The following EPS15L1 variants were observed in gnomAD, a reference collection of about 807,000 sequenced individuals.
EPS15L1 encodes the protein epidermal growth factor receptor substrate 15-like 1.
A neutral mutation model predicts 117.1 loss-of-function variants in EPS15L1; 43 were observed. The observed-to-expected ratio is 0.37, with a 90% CI of 0.29 to 0.47. EPS15L1 has a LOEUF of 0.47. Among genes scored for constraint, EPS15L1 ranks in the 20% least tolerant of loss-of-function variants. The pLI is 0.99. For synonymous variants in EPS15L1, 459 were observed against 470.5 expected, an observed-to-expected ratio of 0.98 and a Z score of 0.32; for missense variants, 981 against 1,164.0, an observed-to-expected ratio of 0.84 and a Z score of 2.29.
At chr19:16,415,073 C>T (rs1245889416) in intron 12 of EPS15L1, among the ~76,000 whole-genome samples, 7 of 152,112 alleles carry the variant, frequency 4.6e-5, no homozygotes, top group African/African-American at 9.7e-5. Flanking sequence ...AACAAATCAC[C>T]AACTGGGTGG....
rs540235765 is a variant in EPS15L1, at chr19:16,441,777, C to A, written c.165+115G>T. 199 of 755,626 alleles carry A rather than the reference C, an allele frequency of 2.6e-4. 3 individuals carry two copies. The highest frequency in any genetic ancestry group is 2.3e-3 in the South Asian group (129 of 54,904). 46.8% of individuals were successfully genotyped at this position (755,626 alleles called of 1,614,324 possible). A position where few individuals can be genotyped will look rare whatever the true frequency, so the allele number is the denominator to read the frequency against. On this transcript the variant is annotated intron_variant, in intron 3 of 23. Coordinates refer to ENST00000455140, the MANE Select transcript of EPS15L1 (RefSeq NM_001258374.3). ...GCCTGAGAGGTCTGCAGCGACCAGGCCACTACCCAGGAGGCCGGGCCCCAT... is the reference window on the plus strand; with the variant it reads ...GCCTGAGAGGTCTGCAGCGACCAGGACACTACCCAGGAGGCCGGGCCCCAT...
At chr19:16,460,210 G>C (rs2093235452) in intron 1 of EPS15L1, among the ~76,000 whole-genome samples, 1 of 152,156 alleles carries the variant, frequency 6.6e-6, no homozygotes, top group African/African-American at 2.4e-5. Context: ...GATGAACCCA[G>C]GAGTCTGAGG....
chr19:16,426,102 G>A (rs994940233), intron 8 of EPS15L1, among the ~76,000 whole-genome samples: 1 of 152,194 alleles, frequency 6.6e-6, no homozygotes, highest in African/African-American at 2.4e-5. Flanking sequence ...GGGAAAAAGA[G>A]CAACTGCCCA....
chr19:16,456,319 T>C (rs1342181501), intron 1 of EPS15L1, among the ~76,000 whole-genome samples: 1 of 152,226 alleles, frequency 6.6e-6, no homozygotes, highest in Non-Finnish European at 1.5e-5. Context: ...GCTGAACTCG[T>C]GCTAAGAGGC....
At position 16,405,703 on chromosome 19, in the gene EPS15L1, G is replaced by A. The variant is rs148732757; in HGVS notation, c.1267-954C>T. On this transcript the variant is annotated intron_variant, in intron 13 of 23. Coordinates refer to ENST00000455140, the MANE Select transcript of EPS15L1 (RefSeq NM_001258374.3). The surrounding 1 kb of genome is among the most constrained non-coding windows in gnomAD (Gnocchi z 4.0). ...ATGAGCACACTGCATTTGTGCGAAC[G>A]GGAAGGGGAGGGTATGTGTGGTATG... Among the ~76,000 whole-genome samples, 408 of 152,308 alleles carry A rather than the reference G, an allele frequency of 2.7e-3. 3 individuals carry two copies. The highest frequency in any genetic ancestry group is 0.014 in the Middle Eastern group (4 of 294).
chr19:16,369,004 T>A (rs1227069455), intron 22 of EPS15L1, among the ~76,000 whole-genome samples: 1 of 152,184 alleles, frequency 6.6e-6, no homozygotes, highest in East Asian at 1.9e-4. Flanking sequence ...AAAGCTTAGC[T>A]GCGGGGAGAG....
At chr19:16,460,751 GT>G (rs2093240807) in intron 1 of EPS15L1, among the ~76,000 whole-genome samples, 1 of 152,186 alleles carries the variant, frequency 6.6e-6, no homozygotes, top group South Asian at 2.1e-4. Flanking sequence ...AGGGAAGAAC[GT>G]TTGCAAGAAC....
intron 7 of EPS15L1, among the ~76,000 whole-genome samples, chr19:16,430,707 T>C (rs1251561965): frequency 6.6e-6 from 1 of 152,198 alleles, no homozygotes; most frequent in Non-Finnish European, 1.5e-5. Context: ...ACTGAATGAC[T>C]GACCAGATGC....
chr19:16,362,223 C>T (rs1056700536), intron 22 of EPS15L1, among the ~76,000 whole-genome samples: 1 of 152,182 alleles, frequency 6.6e-6, no homozygotes, highest in South Asian at 2.1e-4. Flanking sequence ...CCATACACAA[C>T]GCACACAGAG....
chr19:16,363,777 C>T (rs1244192367), intron 22 of EPS15L1, among the ~76,000 whole-genome samples: 1 of 152,260 alleles, frequency 6.6e-6, no homozygotes, highest in African/African-American at 2.4e-5. Context: ...CCCGTAGCCC[C>T]CCCTTGCCTG....
rs893074557 is a variant in EPS15L1 at position 16,370,755 on chromosome 19, C to T, written c.2380+6367G>A. On this transcript the variant is annotated intron_variant, in intron 22 of 23. Coordinates refer to ENST00000455140, the MANE Select transcript of EPS15L1 (RefSeq NM_001258374.3). This position sits in a 1 kb window ranked among gnomAD's most constrained non-coding sequence, Gnocchi z 5.2. The stretch of plus-strand genomic sequence containing the variant: ...ACATTCCTCCCTCTCAGAGTGGGAC[C>T]GTTCCTTGGCACCGTCAGCAGGTCC... Among the ~76,000 whole-genome samples, 7 of 152,208 alleles carry T rather than the reference C, an allele frequency of 4.6e-5. No homozygotes were observed. The highest frequency in any genetic ancestry group is 1.7e-4 in the African/African-American group (7 of 41,436).
At chr19:16,411,054 T>G (rs1241405345) in intron 13 of EPS15L1, among the ~76,000 whole-genome samples, 9 of 152,230 alleles carry the variant, frequency 5.9e-5, no homozygotes, top group Non-Finnish European at 1.2e-4. Flanking sequence ...AAAGGTCATG[T>G]GTTGTATGAT....
In EPS15L1 at chr19:16,471,840, G is replaced by T. The variant is rs1038576876; in HGVS notation, c.33+73C>A. 3 of 896,846 alleles carry T rather than the reference G, an allele frequency of 3.3e-6. No individual in the cohort carries two copies. The allele number at this position is 896,846 out of a possible 1,614,324, so 55.6% of individuals were successfully genotyped here. A position where few individuals can be genotyped will look rare whatever the true frequency, so the allele number is the denominator to read the frequency against. ...CCGCCGCCTGGCTGAGTCTCCCAGC[G>T]CCTCAGCCTCGCCGCACCGCTCGCC... On this transcript the variant is annotated intron_variant, in intron 1 of 23. Coordinates refer to ENST00000455140, the MANE Select transcript of EPS15L1 (RefSeq NM_001258374.3). This position sits in a 1 kb window ranked among gnomAD's most constrained non-coding sequence, Gnocchi z 4.8.
chr19:16,404,541 C>A lies in EPS15L1; in HGVS notation c.1428+47G>T, dbSNP rs376847146. On this transcript the variant is annotated intron_variant, in intron 14 of 23. Coordinates refer to ENST00000455140, the MANE Select transcript of EPS15L1 (RefSeq NM_001258374.3). This position sits in a 1 kb window ranked among gnomAD's most constrained non-coding sequence, Gnocchi z 4.2. ...CGAGCTCAGGGGAGTCCTTGGGAAGCCCCTGCCTGTGCATAGGGCGCTGCC... is the reference window on the plus strand; with the variant it reads ...CGAGCTCAGGGGAGTCCTTGGGAAGACCCTGCCTGTGCATAGGGCGCTGCC... 1 of 1,606,646 alleles carries A rather than the reference C, an allele frequency of 6.2e-7. No homozygotes were observed. The highest frequency in any genetic ancestry group is 2.2e-5 in the East Asian group (1 of 44,796).
chr19:16,443,319 G>A (rs1463227043), intron 1 of EPS15L1, among the ~76,000 whole-genome samples: 1 of 152,132 alleles, frequency 6.6e-6, no homozygotes. Flanking sequence ...AAAACCAGGG[G>A]GACGTAGACT....
intron 9 of EPS15L1, among the ~76,000 whole-genome samples, chr19:16,422,692 C>T (rs889110178): frequency 6.6e-6 from 1 of 152,154 alleles, no homozygotes; most frequent in African/African-American, 2.4e-5. Context: ...TGCAGTGGCT[C>T]ACACCTATAA....
intron 13 of EPS15L1, among the ~76,000 whole-genome samples, chr19:16,407,788 TC>T (rs1322237506): frequency 1.3e-5 from 2 of 152,092 alleles, no homozygotes; most frequent in Non-Finnish European, 2.9e-5. Flanking sequence ...GTCTCCGTCT[TC>T]CCCCTTCATT....
chr19:16,449,466 A>G (rs1226562603), intron 1 of EPS15L1, among the ~76,000 whole-genome samples: 1 of 152,194 alleles, frequency 6.6e-6, no homozygotes, highest in Non-Finnish European at 1.5e-5. Context: ...TAAAATAACA[A>G]ATAGTGACAA....
intron 1 of EPS15L1, among the ~76,000 whole-genome samples, chr19:16,466,360 G>A (rs1313292200): frequency 1.3e-5 from 2 of 152,100 alleles, no homozygotes; most frequent in Admixed American, 1.3e-4. Flanking sequence ...CAGCCTGGTG[G>A]TGAGACCTTT....
Sources: allele counts gnomAD v4.1 joint callset (sites outside exome capture counted in the v4.1 genomes callset), GRCh38; gene constraint gnomAD v4.1.1; non-coding constraint Gnocchi (gnomAD v3.1); transcripts MANE v1.5; gene names NCBI Gene and HGNC (gene_info 2026-07-23, HGNC 2026-07-21).